Variants in CFDP1 observed in about 807,000 individuals in gnomAD.
The protein encoded by CFDP1 is heterochromatin-stabilizing protein CFDP1.
In CFDP1, 31 loss-of-function variants were observed where a neutral mutation model predicts 40.1. The ratio of observed to expected loss-of-function variants is 0.77; its 90% CI spans 0.58 to 1.04. The LOEUF (loss-of-function observed/expected upper bound fraction) is 1.04. CFDP1 is among the 50% of genes least tolerant of loss of function. The pLI is 0.00. For synonymous variants in CFDP1, 167 were observed against 120.0 expected (o/e 1.39, Z -2.56); for missense variants, 423 against 343.4 (o/e 1.23, Z -1.83).
intron 5 of CFDP1, among the ~76,000 whole-genome samples, chr16:75,368,092 T>C (rs1024137920): frequency 6.6e-6 from 1 of 152,092 alleles, no homozygotes; most frequent in South Asian, 2.1e-4. Context: ...GAAGACTCCA[T>C]CTCAAACAAA....
At chr16:75,376,645 A>G (rs2078800170) in intron 5 of CFDP1, among the ~76,000 whole-genome samples, 1 of 152,214 alleles carries the variant, frequency 6.6e-6, no homozygotes, top group South Asian at 2.1e-4. Flanking sequence ...GAATCATACT[A>G]TACCTTATCT....
intron 5 of CFDP1, among the ~76,000 whole-genome samples, chr16:75,390,568 CCA>C (rs2078939677): frequency 6.6e-6 from 1 of 152,200 alleles, no homozygotes; most frequent in Non-Finnish European, 1.5e-5. Flanking sequence ...CTCTCTCTCC[CCA>C]GAGATAGTCT....
chr16:75,415,499 C>T (rs1050857003), intron 1 of CFDP1, among the ~76,000 whole-genome samples: 7 of 152,194 alleles, frequency 4.6e-5, no homozygotes, highest in African/African-American at 1.7e-4. Context: ...TCCCAGAAGG[C>T]CCCCTGTGCT....
chr16:75,385,606 G>C (rs2078890294), intron 5 of CFDP1, among the ~76,000 whole-genome samples: 1 of 152,014 alleles, frequency 6.6e-6, no homozygotes, highest in Non-Finnish European at 1.5e-5. Context: ...CATACCAAGA[G>C]ACGAATCTAA....
chr16:75,400,417 C>T (rs1319078868), intron 4 of CFDP1, among the ~76,000 whole-genome samples: 2 of 152,140 alleles, frequency 1.3e-5, no homozygotes, highest in Non-Finnish European at 2.9e-5. Flanking sequence ...CCAATGTGTA[C>T]TAAAGTACCC....
At chr16:75,425,416 T>C (rs1415902443) in intron 1 of CFDP1, among the ~76,000 whole-genome samples, 4 of 135,250 alleles carry the variant, frequency 3.0e-5, no homozygotes, top group African/African-American at 1.1e-4. Flanking sequence ...AAAAAAACTA[T>C]ATGGAAAGGC....
chr16:75,319,500 A>G (rs1422929356), intron 5 of CFDP1, among the ~76,000 whole-genome samples: 1 of 152,062 alleles, frequency 6.6e-6, no homozygotes, highest in African/African-American at 2.4e-5. Flanking sequence ...GAAGTGGTGA[A>G]GGTCATTTTT....
chr16:75,369,956 T>C (rs1181548043), intron 5 of CFDP1, among the ~76,000 whole-genome samples: 11 of 152,062 alleles, frequency 7.2e-5, no homozygotes, highest in Admixed American at 7.2e-4. Context: ...TTATTTTTAG[T>C]AGAGACAGGG....
chr16:75,327,220 T>C (rs187402190), intron 5 of CFDP1, among the ~76,000 whole-genome samples: 144 of 152,224 alleles, frequency 9.5e-4, no homozygotes, highest in African/African-American at 3.3e-3. Flanking sequence ...TGAGCCAAGA[T>C]AGAGCCACTG....
chr16:75,418,399 G>A (rs1178913268), intron 1 of CFDP1, among the ~76,000 whole-genome samples: 2 of 143,054 alleles, frequency 1.4e-5, no homozygotes, highest in African/African-American at 2.6e-5. Flanking sequence ...TCCGCCTCCC[G>A]GGTTTTACGC....
At chr16:75,350,910 T>G (rs564129849) in intron 5 of CFDP1, among the ~76,000 whole-genome samples, 5 of 152,226 alleles carry the variant, frequency 3.3e-5, no homozygotes, top group Admixed American at 6.5e-5. Context: ...ACTGGTAACA[T>G]TACTACAAAC....
intron 4 of CFDP1, among the ~76,000 whole-genome samples, chr16:75,405,706 T>A (rs1758622675): frequency 6.7e-6 from 1 of 148,282 alleles, no homozygotes; most frequent in Non-Finnish European, 1.5e-5. Context: ...GCTGAGATTG[T>A]GTCATTGCAC....
chr16:75,337,639 G>A (rs902618351), intron 5 of CFDP1, among the ~76,000 whole-genome samples: 2 of 152,166 alleles, frequency 1.3e-5, no homozygotes, highest in African/African-American at 4.8e-5. Flanking sequence ...TGGCGGGAAG[G>A]GGAGGCAAGC....
At chr16:75,336,363 C>T (rs568447871) in intron 5 of CFDP1, among the ~76,000 whole-genome samples, 1 of 152,248 alleles carries the variant, frequency 6.6e-6, no homozygotes, top group Admixed American at 6.5e-5. Flanking sequence ...GGAGGCCTCT[C>T]TGAGAAGGGA....
chr16:75,349,690 A>AATATATATAT lies in CFDP1; in HGVS notation c.651-44509_651-44508insATATATATAT, dbSNP rs67126172. 1.5e-3 allele frequency among the ~76,000 whole-genome samples: 19 copies of AATATATATAT among 13,074 alleles called. 3 individuals are homozygous for AATATATATAT. Among genetic ancestry groups the AATATATATAT allele is most frequent in the East Asian group, 0.011 (2 of 180 alleles). The allele number at this position is 13,074 out of a possible 152,430, so 8.6% of individuals were successfully genotyped here. On this transcript the variant is annotated intron_variant, in intron 5 of 6. Coordinates refer to ENST00000283882, the MANE Select transcript of CFDP1 (RefSeq NM_006324.3). Reference sequence around the variant, plus strand: ...AAAAAAAAAAAAAAAAAAAAAAAAAAATATATATACATACATATATACGGT... The same window carrying AATATATATAT: ...AAAAAAAAAAAAAAAAAAAAAAAAAAATATATATATATATATATACATACATATATACGGT...
intron 5 of CFDP1, among the ~76,000 whole-genome samples, chr16:75,384,020 A>C (rs2078872639): frequency 6.6e-6 from 1 of 152,126 alleles, no homozygotes; most frequent in Non-Finnish European, 1.5e-5. Flanking sequence ...AAATACACAA[A>C]ATAATATTAG....
intron 1 of CFDP1, 83 bp from the exon 2 acceptor site, chr16:75,414,778 C>A: frequency 1.2e-6 from 1 of 847,274 alleles, no homozygotes; most frequent in South Asian, 1.5e-5. Flanking sequence ...CAAGCTTTCA[C>A]ACCGAGACAT....
intron 4 of CFDP1, among the ~76,000 whole-genome samples, chr16:75,410,080 A>C (rs1388045890): frequency 1.3e-4 from 19 of 150,188 alleles, no homozygotes; most frequent in African/African-American, 3.7e-4. Context: ...AAAAAAAAAA[A>C]AAAAAACCCA....
intron 5 of CFDP1, among the ~76,000 whole-genome samples, chr16:75,384,759 GC>G (rs2078878414): frequency 6.6e-6 from 1 of 150,476 alleles, no homozygotes; most frequent in Non-Finnish European, 1.5e-5. Context: ...TACCAGGCAG[GC>G]ATAAAAAAAA....
Sources: gnomAD v4.1 joint callset for allele counts (sites outside exome capture counted in the v4.1 genomes callset) on GRCh38, gnomAD v4.1.1 for gene constraint, MANE v1.5 for transcripts, NCBI Gene and HGNC (gene_info 2026-07-23, HGNC 2026-07-21) for gene names.